GRK3: variants seen among roughly 807,000 people sequenced by gnomAD.
GRK3 encodes the protein adrenergic, beta, receptor kinase 2.
GRK3 carries 54 observed loss-of-function variants against 95.7 expected under a neutral mutation model. That is an observed-to-expected ratio of 0.56 (90% CI 0.45 to 0.71). The LOEUF (loss-of-function observed/expected upper bound fraction) is 0.71. Among genes scored for constraint, GRK3 ranks in the 30% least tolerant of loss-of-function variants. The probability of loss-of-function intolerance (pLI) is 0.00; values close to 1 mark genes in which losing one functional copy is unlikely to be tolerated. For missense variants in GRK3, 649 were observed against 851.2 expected (o/e 0.76, Z 2.96); for synonymous variants, 281 against 290.8 (o/e 0.97, Z 0.34).
chr22:25,656,118 A>G (rs1249396753), intron 3 of GRK3, among the ~76,000 whole-genome samples: 2 of 152,226 alleles, frequency 1.3e-5, no homozygotes, highest in Non-Finnish European at 2.9e-5. Flanking sequence ...CACAACACAC[A>G]TAGAACAGTG....
At chr22:25,688,898 C>T (rs1230363110) in intron 11 of GRK3, among the ~76,000 whole-genome samples, 3 of 152,298 alleles carry the variant, frequency 2.0e-5, no homozygotes, top group Middle Eastern at 3.4e-3. Flanking sequence ...TGCCAATAGG[C>T]GAGAAGATTC....
At chr22:25,634,698 A>G (rs2084687639) in intron 2 of GRK3, among the ~76,000 whole-genome samples, 1 of 152,148 alleles carries the variant, frequency 6.6e-6, no homozygotes, top group Admixed American at 6.5e-5. Context: ...TCTAGTGCAA[A>G]TGTCTATATA....
intron 8 of GRK3, among the ~76,000 whole-genome samples, chr22:25,677,413 A>AAAAAAAAAAAG: frequency 6.7e-6 from 1 of 149,000 alleles, no homozygotes; most frequent in South Asian, 2.2e-4. Flanking sequence ...AAAAGGAAAA[A>AAAAAAAAAAAG]AAAAGAAAAG....
At chr22:25,580,030 A>G (rs1932045716) in intron 1 of GRK3, among the ~76,000 whole-genome samples, 1 of 146,286 alleles carries the variant, frequency 6.8e-6, no homozygotes, top group South Asian at 2.1e-4. Flanking sequence ...CAATATAAGT[A>G]CCAAAACCAT....
At chr22:25,713,344 C>A (rs2085359028) in intron 17 of GRK3, among the ~76,000 whole-genome samples, 1 of 152,098 alleles carries the variant, frequency 6.6e-6, no homozygotes, top group South Asian at 2.1e-4. Context: ...CTGAAGAAAA[C>A]AGAAAGAGGA....
chr22:25,701,120 C>T (rs1325024401), intron 13 of GRK3, among the ~76,000 whole-genome samples: 1 of 152,176 alleles, frequency 6.6e-6, no homozygotes, highest in Non-Finnish European at 1.5e-5. Flanking sequence ...GAATTCTTTT[C>T]CCACAACGCT....
At chr22:25,596,701 C>G (rs191981063) in intron 1 of GRK3, among the ~76,000 whole-genome samples, 3 of 152,180 alleles carry the variant, frequency 2.0e-5, no homozygotes, top group Non-Finnish European at 2.9e-5. Context: ...AAAAATAAAC[C>G]CTTCCTCTTC....
In GRK3 at chr22:25,646,540, A is replaced by T. The variant is rs7290225; in HGVS notation, c.264+1875A>T. On this transcript the variant is annotated intron_variant, in intron 3 of 20. Transcript: ENST00000324198. ...AGCTAACAGAGTTGAAAGCTTAGGA[A>T]ACCCTAAGCAGAATGAATACATATG... is the stretch of plus-strand genomic sequence containing the variant. Among the ~76,000 whole-genome samples, 283 of 152,328 alleles carry T rather than the reference A, an allele frequency of 1.9e-3. 1 individual carries two copies. The highest frequency in any genetic ancestry group is 6.7e-3 in the African/African-American group (277 of 41,582).
chr22:25,631,022 T>C (rs2084660321), intron 2 of GRK3, among the ~76,000 whole-genome samples: 1 of 152,214 alleles, frequency 6.6e-6, no homozygotes, highest in Admixed American at 6.5e-5. Flanking sequence ...TAGATGATTA[T>C]AGTTAACTGA....
At chr22:25,675,699 C>T (rs1211159097) in intron 8 of GRK3, among the ~76,000 whole-genome samples, 1 of 152,228 alleles carries the variant, frequency 6.6e-6, no homozygotes, top group Non-Finnish European at 1.5e-5. Context: ...TGCTCAGGCA[C>T]TTCCTGGGAT....
intron 2 of GRK3, among the ~76,000 whole-genome samples, chr22:25,626,264 G>A (rs943900279): frequency 7.9e-5 from 12 of 152,178 alleles, no homozygotes; most frequent in Non-Finnish European, 1.3e-4. Flanking sequence ...CTTAGCCCAC[G>A]CACCTGTCTC....
chr22:25,697,033 A>G (rs2146446631), intron 13 of GRK3, among the ~76,000 whole-genome samples: 1 of 152,150 alleles, frequency 6.6e-6, no homozygotes, highest in Non-Finnish European at 1.5e-5. Flanking sequence ...TTTATTTTGG[A>G]TCTCTGCTGG....
chr22:25,597,430 T>C (rs1278018642), intron 1 of GRK3, among the ~76,000 whole-genome samples: 4 of 152,186 alleles, frequency 2.6e-5, no homozygotes, highest in Admixed American at 6.5e-5. Context: ...TTCAAATAGC[T>C]GGAAGGAGAA....
intron 1 of GRK3, among the ~76,000 whole-genome samples, chr22:25,574,064 A>C (rs1168543045): frequency 6.6e-6 from 1 of 152,218 alleles, no homozygotes; most frequent in Non-Finnish European, 1.5e-5. Context: ...ATATGCTGTT[A>C]GTATTTGTGC....
At chr22:25,655,438 C>G (rs1002503098) in intron 3 of GRK3, among the ~76,000 whole-genome samples, 2 of 152,178 alleles carry the variant, frequency 1.3e-5, no homozygotes, top group Non-Finnish European at 2.9e-5. Flanking sequence ...TCTCTAAGGT[C>G]TAGCTCAATA....
chr22:25,649,230 T>G, intron 3 of GRK3: 1 of 1,259,252 alleles, frequency 7.9e-7, no homozygotes, highest in African/African-American at 1.5e-5. Flanking sequence ...AGGAGAAAAC[T>G]TCTAATTCAA....
intron 1 of GRK3, among the ~76,000 whole-genome samples, chr22:25,575,485 C>T (rs1284156282): frequency 1.3e-5 from 2 of 152,138 alleles, no homozygotes; most frequent in Admixed American, 6.5e-5. Context: ...GGCCAACTTG[C>T]TGGACTTCTC....
At position 25,687,441 on chromosome 22, in the gene GRK3, C is replaced by T. The variant is rs545955728; in HGVS notation, c.827-96C>T. On this transcript the variant is annotated intron_variant, in intron 10 of 20. Transcript: ENST00000324198. ...TATAGACCAAGCAGAAGCATAGTTT[C>T]CCTTTTTCTGCTGAGTCCTGACTAT... is the stretch of plus-strand genomic sequence containing the variant. 19 of 1,323,020 alleles carry T rather than the reference C, an allele frequency of 1.4e-5. No homozygotes were observed. In the African/African-American group the frequency reaches 2.2e-4, roughly 15 times the overall value. The allele number at this position is 1,323,020 out of a possible 1,614,324, so 82.0% of individuals were successfully genotyped here.
chr22:25,692,925 A>G (rs1256016609), intron 12 of GRK3, among the ~76,000 whole-genome samples: 1 of 152,204 alleles, frequency 6.6e-6, no homozygotes, highest in Non-Finnish European at 1.5e-5. Context: ...AGATCTTTTC[A>G]AAGCTGTAGA....
Sources: gnomAD v4.1 joint callset for allele counts (sites outside exome capture counted in the v4.1 genomes callset) on GRCh38, gnomAD v4.1.1 for gene constraint, MANE v1.5 for transcripts, NCBI Gene and HGNC (gene_info 2026-07-23, HGNC 2026-07-21) for gene names.